NOX5: variants seen among roughly 807,000 people sequenced by gnomAD.
NOX5 encodes NADPH oxidase 5.
In NOX5, 76 loss-of-function variants were observed where a neutral mutation model predicts 85.7. The observed-to-expected ratio is 0.89, with a 90% confidence interval of 0.74 to 1.07. The LOEUF is 1.07. Ranked by LOEUF, NOX5 falls within the 50% of genes least tolerant of loss-of-function variation. The pLI is 0.00. For synonymous variants in NOX5, 405 were observed against 401.4 expected, an observed-to-expected ratio of 1.01 and a Z score of -0.11; for missense variants, 973 against 999.5, an observed-to-expected ratio of 0.97 and a Z score of 0.36.
intron 15 of NOX5, among the ~76,000 whole-genome samples, chr15:69,056,326 G>T (rs1241353310): frequency 6.6e-6 from 1 of 152,104 alleles, no homozygotes; most frequent in Admixed American, 6.5e-5. Flanking sequence ...TTCTGGCCCT[G>T]GTCCTCTACC....
intron 7 of NOX5, 116 bp from the exon 8 acceptor site, chr15:69,036,912 G>A (rs1056343330): frequency 2.7e-5 from 22 of 808,010 alleles, no homozygotes; most frequent in Non-Finnish European, 4.5e-5. Flanking sequence ...CCATCCCCGG[G>A]AGAGAGTCAA....
chr15:69,033,018 T>G, intron 4 of NOX5, 25 bp from the exon 5 acceptor site: 1 of 1,533,890 alleles, frequency 6.5e-7, no homozygotes, highest in Non-Finnish European at 8.6e-7. Context: ...CGCTCGCCTC[T>G]GAGCGGAACC....
At position 69,026,565 on chromosome 15, in the gene NOX5, T is replaced by G; in HGVS notation, c.88T>G (p.Trp30Gly). The G allele has an allele frequency of 6.2e-7, 1 of 1,614,076 alleles. No individual in the cohort carries two copies. Among genetic ancestry groups the G allele is most frequent in the Non-Finnish European group, 8.5e-7 (1 of 1,180,024 alleles). The change falls in exon 2 of 16, where the codon TGG becomes GGG. Residue 30 changes from tryptophan to glycine, a missense_variant. Transcript: ENST00000388866. ...SAEEDARWLR[W>G]VTQQFKTIAG... The stretch of plus-strand genomic sequence containing the variant: ...CGAGGAGGATGCCAGGTGGCTCCGG[T>G]GGGTGACTCAGCAGTTTAAGACCAT...
intron 15 of NOX5, 47 bp from the exon 16 acceptor site, chr15:69,056,518 G>C (rs775618583): frequency 6.2e-7 from 1 of 1,601,566 alleles, no homozygotes; most frequent in Admixed American, 1.7e-5. Flanking sequence ...TGAGTCAGCA[G>C]CTCCACCTAT....
rs113814228 is a variant in NOX5 at position 69,057,004 on chromosome 15, C to G, written c.*308C>G. 2.6e-4 allele frequency: 59 copies of G among 228,916 alleles called. No individual in the cohort carries two copies. The highest frequency in any genetic ancestry group is 1.3e-3 in the African/African-American group (56 of 44,336). The allele number at this position is 228,916 out of a possible 1,614,324, so 14.2% of individuals were successfully genotyped here. A position where few individuals can be genotyped will look rare whatever the true frequency, so the allele number is the denominator to read the frequency against. On this transcript the variant is annotated 3_prime_UTR_variant, in exon 16 of 16. Transcript: ENST00000388866. ...GGTTCGAGGGGGCAGAGGGCAACCA[C>G]TCCTCCAAACATTTTCCGACGGAGC... is the stretch of plus-strand genomic sequence containing the variant.
In NOX5 at chr15:69,047,152, G is replaced by A. The variant is rs564618125; in HGVS notation, c.1693-261G>A. The stretch of plus-strand genomic sequence containing the variant: ...CCATCCCTGTCTCCTGGGCACCCAC[G>A]GCACACACCCCAGGGATGCGAATTG... On this transcript the variant is annotated intron_variant, in intron 11 of 15. Coordinates refer to ENST00000388866, the MANE Select transcript of NOX5 (RefSeq NM_024505.4). 8.6e-4 allele frequency: 487 copies of A among 563,110 alleles called. 6 individuals are homozygous for A. The South Asian group carries it at 0.012, about 14-fold the overall frequency. 34.9% of individuals were successfully genotyped at this position (563,110 alleles called of 1,614,324 possible).
At chr15:69,037,256 G>T in intron 8 of NOX5, 46 bp downstream of exon 8, 2 of 1,561,108 alleles carry the variant, frequency 1.3e-6, no homozygotes, top group Non-Finnish European at 1.7e-6. Context: ...CTCACCCCAA[G>T]GGACAGTTTG....
chr15:69,026,544 G>A lies in NOX5; in HGVS notation c.67G>A (p.Glu23Lys). ...EGCRGTMSAE[E>K]DARWLRWVTQ... ...GCCTCCCAGCACCATGAGTGCCGAG[G>A]AGGATGCCAGGTGGCTCCGGTGGGT... Residue 23 changes from glutamate to lysine, a missense_variant, in exon 2 of 16, where the codon GAG (glutamate) becomes AAG (lysine). Coordinates refer to ENST00000388866, the MANE Select transcript of NOX5 (RefSeq NM_024505.4). The A allele has an allele frequency of 6.2e-7, 1 of 1,614,196 alleles. No individual in the cohort carries two copies. Among genetic ancestry groups the A allele is most frequent in the Non-Finnish European group, 8.5e-7 (1 of 1,180,032 alleles).
intron 3 of NOX5, chr15:69,029,754 A>T (rs1475482991): frequency 6.6e-6 from 1 of 150,880 alleles, no homozygotes; most frequent in Non-Finnish European, 1.5e-5. Flanking sequence ...ATCTCAGCTC[A>T]TTGCAGCCTC....
chr15:69,029,424 C>T (rs1368331388), intron 3 of NOX5: 8 of 152,178 alleles, frequency 5.3e-5, no homozygotes, highest in African/African-American at 9.7e-5. Context: ...GCTGTTTCTA[C>T]GTTTTAACTA....
At chr15:69,021,729 ATTTCAGTAGCCC>A (rs1567092599) in intron 1 of NOX5, among the ~76,000 whole-genome samples, 1 of 152,176 alleles carries the variant, frequency 6.6e-6, no homozygotes, top group Non-Finnish European at 1.5e-5. Flanking sequence ...GTACTCTTGT[ATTTCAGTAGCCC>A]TTTCCTTATC....
intron 12 of NOX5, 142 bp downstream of exon 12, chr15:69,047,679 GC>G: frequency 2.3e-6 from 3 of 1,329,478 alleles, no homozygotes; most frequent in Non-Finnish European, 3.1e-6. Context: ...CTCCTGCTCT[GC>G]CCCCCTCTCC....
At chr15:69,023,538 T>C in intron 1 of NOX5, 1 of 296,934 alleles carries the variant, frequency 3.4e-6, no homozygotes, top group Admixed American at 4.4e-5. Context: ...AGTGTGTCGG[T>C]CATAGAGCTC....
In NOX5 at chr15:69,037,214, C is replaced by T; in HGVS notation, c.1371+4C>T. 6.2e-7 allele frequency: 1 copy of T among 1,612,120 alleles called. No homozygotes were observed. Reference sequence around the variant, plus strand: ...AGTCAACCTCCTCCCCTCCAAGGTACAAAGGTGGGGGATGGGGAGGTGCTT... The same window carrying T: ...AGTCAACCTCCTCCCCTCCAAGGTATAAAGGTGGGGGATGGGGAGGTGCTT... On this transcript the variant is annotated splice_donor_region_variant and intron_variant, in intron 8 of 15. Coordinates refer to ENST00000388866, the MANE Select transcript of NOX5 (RefSeq NM_024505.4).
chr15:69,055,299 G>A lies in NOX5; in HGVS notation c.2000-35G>A, dbSNP rs369991907. 7 of 1,608,750 alleles carry A rather than the reference G, an allele frequency of 4.4e-6. No individual in the cohort carries two copies. The African/African-American group carries it at 6.7e-5, about 15-fold the overall frequency. ...TGCCCTGCGCCCATGATGGGTACTA[G>A]ACCCTCAGTGCAGCCCTTGTCCCCT... is the stretch of plus-strand genomic sequence containing the variant. On this transcript the variant is annotated intron_variant, in intron 14 of 15. Transcript: ENST00000388866.
At chr15:69,037,656 A>T (rs1041830912) in intron 8 of NOX5, 1 of 157,452 alleles carries the variant, frequency 6.4e-6, no homozygotes, top group African/African-American at 2.4e-5. Flanking sequence ...AAGGGAGAAG[A>T]TGCCATATCA....
intron 1 of NOX5, among the ~76,000 whole-genome samples, chr15:69,019,484 A>G (rs868160362): frequency 5.9e-5 from 9 of 152,212 alleles, no homozygotes; most frequent in South Asian, 2.1e-4. Flanking sequence ...GTGAATCCAT[A>G]ATTATCTCAA....
intron 10 of NOX5, among the ~76,000 whole-genome samples, chr15:69,043,220 T>C (rs1312819507): frequency 6.6e-6 from 1 of 152,228 alleles, no homozygotes; most frequent in African/African-American, 2.4e-5. Context: ...GCACATAAAG[T>C]ATTGCTTGAA....
In NOX5 at chr15:69,041,947, A is replaced by G. The variant is rs142811531; in HGVS notation, c.1505-716A>G. Reference sequence around the variant, plus strand: ...ATGTGTGGCCCAAGACAATTCTTGTACTCCCAATGTGACCCAGGGAAGCCA... The same window carrying G: ...ATGTGTGGCCCAAGACAATTCTTGTGCTCCCAATGTGACCCAGGGAAGCCA... On this transcript the variant is annotated intron_variant, in intron 9 of 15. Transcript: ENST00000388866. Among the ~76,000 whole-genome samples, 575 of 151,422 alleles carry G rather than the reference A, an allele frequency of 3.8e-3. 4 individuals are homozygous for G. Among genetic ancestry groups the G allele is most frequent in the African/African-American group, 0.013 (556 of 41,214 alleles).
Sources: gnomAD v4.1 joint callset for allele counts (sites outside exome capture counted in the v4.1 genomes callset) on GRCh38, gnomAD v4.1.1 for gene constraint, MANE v1.5 for transcripts, NCBI Gene and HGNC (gene_info 2026-07-23, HGNC 2026-07-21) for gene names.